Variants in SLC16A2 observed in about 807,000 individuals in gnomAD.
The protein encoded by SLC16A2 is solute carrier family 16 member 2, also known as monocarboxylate transporter 8.
A neutral mutation model predicts 27.2 loss-of-function variants in SLC16A2; 3 were observed. The observed-to-expected ratio is 0.11, with a 90% confidence interval of 0.05 to 0.28. SLC16A2 has a LOEUF of 0.28. Among genes scored for constraint, SLC16A2 ranks in the 10% least tolerant of loss-of-function variants. The pLI is 1.00. For missense variants in SLC16A2, 295 were observed against 458.5 expected, an observed-to-expected ratio of 0.64 and a Z score of 3.26; for synonymous variants, 202 against 187.8, an observed-to-expected ratio of 1.08 and a Z score of -0.62.
chrX:74,504,874 C>T (rs1930096821), intron 1 of SLC16A2, among the ~76,000 whole-genome samples: 1 of 111,519 alleles, frequency 9.0e-6, no homozygotes, highest in Non-Finnish European at 1.9e-5. Context: ...TCTGTAGACC[C>T]AGCCACACGG....
intron 1 of SLC16A2, among the ~76,000 whole-genome samples, chrX:74,501,188 A>G (rs971575568): frequency 4.5e-5 from 5 of 111,186 alleles, no homozygotes; most frequent in African/African-American, 1.6e-4. Flanking sequence ...CTGAAGAAAT[A>G]TAAATGGTAA....
chrX:74,495,408 T>A (rs1929915501), intron 1 of SLC16A2, among the ~76,000 whole-genome samples: 1 of 107,369 alleles, frequency 9.3e-6, no homozygotes. Context: ...CCACAGGCCT[T>A]TTACCCTCTG....
intron 1 of SLC16A2, among the ~76,000 whole-genome samples, chrX:74,425,803 C>T (rs1037214255): frequency 8.1e-5 from 9 of 111,761 alleles, no homozygotes; most frequent in Admixed American, 3.8e-4. Flanking sequence ...ACTTGACTGC[C>T]GGTCCACCAT....
chrX:74,530,154 C>A (rs1486982868), intron 5 of SLC16A2, among the ~76,000 whole-genome samples: 1 of 97,298 alleles, frequency 1.0e-5, no homozygotes, highest in Non-Finnish European at 2.0e-5. Context: ...TGCAGTGGTG[C>A]AATCTTGGCT....
In SLC16A2 at chrX:74,533,384, G is replaced by T. The variant is rs1279150633; in HGVS notation, c.*1831G>T. The T allele has an allele frequency of 8.9e-6, 1 of 112,091 alleles. No homozygotes were observed. 9.2% of individuals were successfully genotyped at this position (112,091 alleles called of 1,213,427 possible). ...GTTCTTAGCTCTGTGGGTAGGAAGG[G>T]GCCCTAGAAAGGGCCTAGTTACTAT... On this transcript the variant is annotated 3_prime_UTR_variant, in exon 6 of 6. Coordinates refer to ENST00000587091, the MANE Select transcript of SLC16A2 (RefSeq NM_006517.5).
chrX:74,425,216 A>G (rs1928382852), intron 1 of SLC16A2, among the ~76,000 whole-genome samples: 1 of 111,323 alleles, frequency 9.0e-6, no homozygotes, highest in South Asian at 3.8e-4. Context: ...CACAGAAGTT[A>G]GAAGGGATAT....
chrX:74,473,648 G>A lies in SLC16A2; in HGVS notation c.431-47342G>A, dbSNP rs191091833. 1.1e-5 allele frequency: 12 copies of A among 1,051,870 alleles called. No individual in the cohort carries two copies. In the Admixed American group the frequency reaches 2.0e-4, roughly 17 times the overall value. 86.7% of individuals were successfully genotyped at this position (1,051,870 alleles called of 1,213,427 possible). A position where few individuals can be genotyped will look rare whatever the true frequency, so the allele number is the denominator to read the frequency against. On this transcript the variant is annotated intron_variant, in intron 1 of 5. Transcript: ENST00000587091. ...AAATATCTTTTTCAAAGTTAAGTGG[G>A]CACCTGGTCTTTGAGAATCTTCTCT...
At chrX:74,427,540 A>C (rs1928421860) in intron 1 of SLC16A2, among the ~76,000 whole-genome samples, 1 of 112,182 alleles carries the variant, frequency 8.9e-6, no homozygotes, top group South Asian at 3.7e-4. Flanking sequence ...CAACATTTGT[A>C]GAAGTATATA....
intron 1 of SLC16A2, among the ~76,000 whole-genome samples, chrX:74,488,604 C>T (rs949087351): frequency 8.1e-5 from 9 of 111,246 alleles, no homozygotes; most frequent in African/African-American, 2.6e-4. Flanking sequence ...ATTATACAAC[C>T]CTTTTTTTTA....
At chrX:74,468,725 G>C (rs1210257517) in intron 1 of SLC16A2, among the ~76,000 whole-genome samples, 1 of 111,278 alleles carries the variant, frequency 9.0e-6, no homozygotes, top group Non-Finnish European at 1.9e-5. Context: ...CTATTTATGG[G>C]GTACATGTGA....
intron 1 of SLC16A2, among the ~76,000 whole-genome samples, chrX:74,497,898 G>A (rs780370834): frequency 9.1e-6 from 1 of 110,049 alleles, no homozygotes; most frequent in East Asian, 2.9e-4. Context: ...AATGTCCTGT[G>A]GATTCTATAT....
rs1255229368 is a variant in SLC16A2 at position 74,435,552 on chromosome X, TA to T, written c.430+13486del. ...ATATATATATGTATATATATATATATATTTTTTTTTTTTTTAGTGGATCTGG... is the reference window on the plus strand; with the variant it reads ...ATATATATATGTATATATATATATATTTTTTTTTTTTTTTAGTGGATCTGG... On this transcript the variant is annotated intron_variant, in intron 1 of 5. Transcript: ENST00000587091. Among the ~76,000 whole-genome samples, 700 of 86,341 alleles carry T rather than the reference TA, an allele frequency of 8.1e-3. 6 individuals are homozygous for T. The highest frequency in any genetic ancestry group is 0.011 in the Non-Finnish European group (522 of 47,756). The allele number at this position is 86,341 out of a possible 115,157, so 75.0% of individuals were successfully genotyped here.
intron 1 of SLC16A2, among the ~76,000 whole-genome samples, chrX:74,466,619 A>AT (rs1044995779): frequency 9.0e-6 from 1 of 111,359 alleles, no homozygotes; most frequent in Non-Finnish European, 1.9e-5. Flanking sequence ...ACAGTCATCC[A>AT]TTTTTTTTCA....
At chrX:74,511,954 C>A (rs1930241023) in intron 1 of SLC16A2, among the ~76,000 whole-genome samples, 1 of 111,876 alleles carries the variant, frequency 8.9e-6, no homozygotes. Context: ...TTATCTCAGT[C>A]CCCAAAGAAG....
intron 1 of SLC16A2, among the ~76,000 whole-genome samples, chrX:74,499,499 G>T (rs1272324688): frequency 9.6e-6 from 1 of 104,272 alleles, no homozygotes; most frequent in African/African-American, 3.5e-5. Context: ...TGTCACCCAG[G>T]CTGGAGTTCA....
intron 1 of SLC16A2, among the ~76,000 whole-genome samples, chrX:74,508,403 T>A (rs1170459668): frequency 8.9e-6 from 1 of 112,130 alleles, no homozygotes; most frequent in Non-Finnish European, 1.9e-5. Context: ...AATATAGAGG[T>A]CTGACATGTT....
At chrX:74,507,929 C>T (rs1037558534) in intron 1 of SLC16A2, among the ~76,000 whole-genome samples, 1 of 111,724 alleles carries the variant, frequency 9.0e-6, no homozygotes. Context: ...ATATCTTGGC[C>T]GTTGTGAATA....
chrX:74,499,416 C>G (rs1454394699), intron 1 of SLC16A2, among the ~76,000 whole-genome samples: 14 of 109,308 alleles, frequency 1.3e-4, no homozygotes, highest in Non-Finnish European at 2.3e-4. Flanking sequence ...AGGTTTTCCT[C>G]TCTTGCAATA....
chrX:74,451,267 T>A (rs1355858631), intron 1 of SLC16A2, among the ~76,000 whole-genome samples: 6 of 111,761 alleles, frequency 5.4e-5, no homozygotes, highest in Non-Finnish European at 7.5e-5. Context: ...AGAGGGGAAG[T>A]GCTGTTTGAG....
Sources: gnomAD v4.1 joint callset for allele counts (sites outside exome capture counted in the v4.1 genomes callset) on GRCh38, gnomAD v4.1.1 for gene constraint, MANE v1.5 for transcripts, NCBI Gene and HGNC (gene_info 2026-07-23, HGNC 2026-07-21) for gene names.